RXRA: variants seen among roughly 807,000 people sequenced by gnomAD.
RXRA encodes retinoid X receptor alpha.
A neutral mutation model predicts 44.5 loss-of-function variants in RXRA; 5 were observed. The ratio of observed to expected loss-of-function variants is 0.11; its 90% CI spans 0.06 to 0.24. The LOEUF (loss-of-function observed/expected upper bound fraction) is 0.24, where lower values mean the gene tolerates loss of function less well. Among genes scored for constraint, RXRA ranks in the 10% least tolerant of loss-of-function variants. The pLI is 1.00. For synonymous variants in RXRA, 291 were observed against 271.4 expected, an observed-to-expected ratio of 1.07 and a Z score of -0.71; for missense variants, 412 against 646.5, an observed-to-expected ratio of 0.64 and a Z score of 3.93.
At chr9:134,347,155 G>T (rs1445639502) in intron 1 of RXRA, among the ~76,000 whole-genome samples, 1 of 151,720 alleles carries the variant, frequency 6.6e-6, no homozygotes, top group African/African-American at 2.4e-5. Flanking sequence ...ATCACTATGG[G>T]GGTGGCAGGC....
At chr9:134,378,690 G>A (rs951600127) in intron 1 of RXRA, among the ~76,000 whole-genome samples, 5 of 152,178 alleles carry the variant, frequency 3.3e-5, no homozygotes, top group Non-Finnish European at 7.4e-5. Context: ...GGTGGGTAGG[G>A]AGCTCTGACC....
chr9:134,418,848 C>T (rs1831281356), intron 5 of RXRA, among the ~76,000 whole-genome samples: 1 of 152,240 alleles, frequency 6.6e-6, no homozygotes, highest in Non-Finnish European at 1.5e-5. Flanking sequence ...ACAGCGACCC[C>T]ACCCTGCTCG....
intron 9 of RXRA, among the ~76,000 whole-genome samples, chr9:134,436,236 A>G (rs1831618308): frequency 6.6e-6 from 1 of 152,188 alleles, no homozygotes; most frequent in Non-Finnish European, 1.5e-5. Context: ...CCGTCCTCAG[A>G]CCCAGGGATC....
chr9:134,339,881 G>T (rs1218792160), intron 1 of RXRA, among the ~76,000 whole-genome samples: 1 of 151,548 alleles, frequency 6.6e-6, no homozygotes, highest in Admixed American at 6.6e-5. Flanking sequence ...GAACATCCAT[G>T]CCCTTGTGTG....
chr9:134,353,661 C>G (rs555682885), intron 1 of RXRA, among the ~76,000 whole-genome samples: 6 of 152,338 alleles, frequency 3.9e-5, no homozygotes, highest in African/African-American at 1.4e-4. Flanking sequence ...CCTGCTTTCC[C>G]CAGGGTGGCA....
intron 1 of RXRA, among the ~76,000 whole-genome samples, chr9:134,331,902 G>C (rs1350495519): frequency 1.3e-5 from 2 of 152,328 alleles, no homozygotes; most frequent in South Asian, 4.1e-4. Flanking sequence ...GCTGCTCACC[G>C]ACCAGGCTGG....
At chr9:134,377,126 C>T (rs912924565) in intron 1 of RXRA, among the ~76,000 whole-genome samples, 16 of 152,310 alleles carry the variant, frequency 1.1e-4, no homozygotes, top group African/African-American at 2.9e-4. Context: ...CCTTTGGGGA[C>T]GGAGCCCCAA....
chr9:134,370,806 G>C (rs1357867666), intron 1 of RXRA, among the ~76,000 whole-genome samples: 2 of 152,258 alleles, frequency 1.3e-5, no homozygotes, highest in African/African-American at 4.8e-5. Context: ...AGGGTCTGGG[G>C]TTGGAGGTGG....
In RXRA at chr9:134,426,019, G is replaced by A. The variant is rs1443610176; in HGVS notation, c.911-3089G>A. 1.0e-6 allele frequency: 1 copy of A among 973,220 alleles called. No homozygotes were observed. Among genetic ancestry groups the A allele is most frequent in the Non-Finnish European group, 1.2e-6 (1 of 825,140 alleles). The allele number at this position is 973,220 out of a possible 1,614,324, so 60.3% of individuals were successfully genotyped here. On this transcript the variant is annotated intron_variant, in intron 6 of 9. Coordinates refer to ENST00000481739, the MANE Select transcript of RXRA (RefSeq NM_002957.6). This position sits in a 1 kb window ranked among gnomAD's most constrained non-coding sequence, Gnocchi z 4.6. ...TGTTCCTTCCGGAAGCGCTGTCCAG[G>A]GGTCCTGCAACCCCAGCAGAGGCCC...
chr9:134,351,736 A>G (rs1455360457), intron 1 of RXRA, among the ~76,000 whole-genome samples: 1 of 152,262 alleles, frequency 6.6e-6, no homozygotes, highest in Admixed American at 6.5e-5. Context: ...CCGAGATGTA[A>G]TAACCAATCC....
chr9:134,423,063 G>T (rs1588304454), intron 6 of RXRA: 1 of 985,502 alleles, frequency 1.0e-6, no homozygotes, highest in South Asian at 4.7e-5. Context: ...TTGGGGTCAG[G>T]TTGGCAGTGG....
rs531715466 is a variant in RXRA, at chr9:134,426,161, C to A, written c.911-2947C>A. On this transcript the variant is annotated intron_variant, in intron 6 of 9. Transcript: ENST00000481739. The surrounding 1 kb of genome is among the most constrained non-coding windows in gnomAD (Gnocchi z 4.6). ...AGCAGCCCCAGGCAAGACTCTTTGT[C>A]CTGCGCTTGGAGCCTGGAGTAAGAC... is the stretch of plus-strand genomic sequence containing the variant. 2.0e-6 allele frequency: 2 copies of A among 985,396 alleles called. No individual in the cohort carries two copies. Among genetic ancestry groups the A allele is most frequent in the East Asian group, 1.1e-4 (1 of 8,814 alleles). 61.0% of individuals were successfully genotyped at this position (985,396 alleles called of 1,614,324 possible). A position where few individuals can be genotyped will look rare whatever the true frequency, so the allele number is the denominator to read the frequency against.
Position 134,431,889 on chromosome 9 carries a change from C to T in RXRA, c.1044-16C>T, listed in dbSNP as rs1169548382. Reference sequence around the variant, plus strand: ...CGACCTAACTGGGATGGGGTGTCTGCCCTCCTCCTCTGCAGGGTGCTGACG... The same window carrying T: ...CGACCTAACTGGGATGGGGTGTCTGTCCTCCTCCTCTGCAGGGTGCTGACG... On this transcript the variant is annotated splice_polypyrimidine_tract_variant and intron_variant, in intron 7 of 9. Transcript: ENST00000481739. 4.4e-6 allele frequency: 7 copies of T among 1,601,814 alleles called. No homozygotes were observed. Among genetic ancestry groups the T allele is most frequent in the Non-Finnish European group, 6.0e-6 (7 of 1,169,744 alleles).
At chr9:134,398,517 G>T (rs1332605095) in intron 1 of RXRA, among the ~76,000 whole-genome samples, 1 of 152,204 alleles carries the variant, frequency 6.6e-6, no homozygotes, top group Non-Finnish European at 1.5e-5. Context: ...GCTCTGGGAA[G>T]GTGTCTGCTA....
intron 1 of RXRA, among the ~76,000 whole-genome samples, chr9:134,370,852 A>C (rs1830483054): frequency 6.6e-6 from 1 of 152,216 alleles, no homozygotes. Context: ...CCAGGAGAGA[A>C]CGCTGCCAAG....
chr9:134,419,733 T>G (rs929283793), intron 5 of RXRA, among the ~76,000 whole-genome samples: 1 of 151,964 alleles, frequency 6.6e-6, no homozygotes, highest in Non-Finnish European at 1.5e-5. Context: ...CTCACAGAGG[T>G]TAATCCTTTC....
In RXRA at chr9:134,426,411, G is replaced by C; in HGVS notation, c.911-2697G>C. ...AGAAGGAGGAGGGCAGCTTACAAAG[G>C]TGTGTGGGGCAGGAGAGGAGAAATA... is the stretch of plus-strand genomic sequence containing the variant. On this transcript the variant is annotated intron_variant, in intron 6 of 9. Transcript: ENST00000481739. This position sits in a 1 kb window ranked among gnomAD's most constrained non-coding sequence, Gnocchi z 4.6. 1.0e-6 allele frequency: 1 copy of C among 985,472 alleles called. No individual in the cohort carries two copies. The highest frequency in any genetic ancestry group is 1.7e-5 in the African/African-American group (1 of 57,372). The allele number at this position is 985,472 out of a possible 1,614,324, so 61.0% of individuals were successfully genotyped here. A position where few individuals can be genotyped will look rare whatever the true frequency, so the allele number is the denominator to read the frequency against.
In RXRA at chr9:134,433,461, C is replaced by A. The variant is rs1026005644; in HGVS notation, c.1136-641C>A. On this transcript the variant is annotated intron_variant, in intron 8 of 9. Coordinates refer to ENST00000481739, the MANE Select transcript of RXRA (RefSeq NM_002957.6). The surrounding 1 kb of genome is among the most constrained non-coding windows in gnomAD (Gnocchi z 4.2). ...CGGAGGCAGCTGGGGGAGCCAGGTA[C>A]GTTGCCAAGGAGCCCAGGACACAGG... Among the ~76,000 whole-genome samples, 1 of 152,018 alleles carries A rather than the reference C, an allele frequency of 6.6e-6. No individual in the cohort carries two copies. The highest frequency in any genetic ancestry group is 2.1e-4 in the South Asian group (1 of 4,822).
chr9:134,423,098 G>A (rs897095000), intron 6 of RXRA: 2 of 985,342 alleles, frequency 2.0e-6, no homozygotes, highest in Admixed American at 6.1e-5. Context: ...CAGGCCCCCC[G>A]CAAAGCTGGT....
Sources: allele counts gnomAD v4.1 joint callset (sites outside exome capture counted in the v4.1 genomes callset), GRCh38; gene constraint gnomAD v4.1.1; non-coding constraint Gnocchi (gnomAD v3.1); transcripts MANE v1.5; gene names NCBI Gene and HGNC (gene_info 2026-07-23, HGNC 2026-07-21).